PROS1: variants seen among roughly 807,000 people sequenced by gnomAD.
PROS1 encodes the protein vitamin K-dependent protein S.
Under a neutral mutation model 75.9 loss-of-function variants are expected in PROS1, and 29 were observed. The observed-to-expected ratio is 0.38, with a 90% CI of 0.28 to 0.52. The LOEUF is 0.52. Ranked by LOEUF, PROS1 falls within the 20% of genes least tolerant of loss-of-function variation. The pLI, the probability that PROS1 is intolerant of heterozygous loss-of-function variation, is 0.83. For synonymous variants in PROS1, 245 were observed against 280.6 expected (o/e 0.87, Z 1.27); for missense variants, 680 against 810.3 (o/e 0.84, Z 1.95).
chr3:93,931,633 G>T (rs1456019107), intron 1 of PROS1, among the ~76,000 whole-genome samples: 2 of 152,178 alleles, frequency 1.3e-5, no homozygotes, highest in Non-Finnish European at 2.9e-5. Flanking sequence ...CACACTGACT[G>T]CTTGAATCCC....
intron 3 of PROS1, among the ~76,000 whole-genome samples, chr3:93,916,561 C>T (rs1708852138): frequency 6.6e-6 from 1 of 152,148 alleles, no homozygotes; most frequent in Admixed American, 6.6e-5. Flanking sequence ...ATACAGAACC[C>T]TCATATTCCC....
intron 1 of PROS1, among the ~76,000 whole-genome samples, chr3:93,934,936 A>G (rs906336820): frequency 6.4e-5 from 9 of 139,696 alleles, no homozygotes; most frequent in Middle Eastern, 3.7e-3. Context: ...CCTTTCTAGG[A>G]AAAAAAAAAA....
At chr3:93,921,921 G>T (rs1410836717) in intron 3 of PROS1, among the ~76,000 whole-genome samples, 3 of 151,902 alleles carry the variant, frequency 2.0e-5, no homozygotes, top group Non-Finnish European at 4.4e-5. Flanking sequence ...AAAACTTCTT[G>T]TTACTTGGGG....
intron 9 of PROS1, among the ~76,000 whole-genome samples, chr3:93,894,336 A>G (rs943184111): frequency 1.3e-5 from 2 of 152,164 alleles, no homozygotes; most frequent in South Asian, 2.1e-4. Context: ...TGTTGGATGG[A>G]TAACAATGTA....
intron 1 of PROS1, among the ~76,000 whole-genome samples, chr3:93,963,632 A>T (rs1367978121): frequency 6.6e-6 from 1 of 152,210 alleles, no homozygotes; most frequent in Admixed American, 6.5e-5. Flanking sequence ...GGCCTCAGGA[A>T]GCTTCCAATC....
rs1381314381 is a variant in PROS1 at position 93,962,265 on chromosome 3, T to A, written c.76+11409A>T. ...AAGCAGAGATCTCACGAGATTGAGA[T>A]GAATAGACAACCCACCGATTTCTTC... On this transcript the variant is annotated intron_variant, in intron 1 of 14. Coordinates refer to ENST00000394236, the MANE Select transcript of PROS1 (RefSeq NM_000313.4). Among the ~76,000 whole-genome samples the A allele has an allele frequency of 2.0e-5, 3 of 151,394 alleles. No individual in the cohort carries two copies. The East Asian group carries it at 5.9e-4, about 30-fold the overall frequency.
intron 1 of PROS1, among the ~76,000 whole-genome samples, chr3:93,970,513 T>A (rs1037200167): frequency 2.6e-5 from 4 of 151,862 alleles, no homozygotes; most frequent in Non-Finnish European, 5.9e-5. Flanking sequence ...TTTTTTTTTT[T>A]AATTTCTTTT....
rs543843788 is a variant in PROS1 at position 93,933,183 on chromosome 3, T to C, written c.77-5776A>G. ...CAGTGTTGGATGAGGTGAAGGAAAA[T>C]GGCTTTCACTTTACAAATATAGAGA... On this transcript the variant is annotated intron_variant, in intron 1 of 14. Coordinates refer to ENST00000394236, the MANE Select transcript of PROS1 (RefSeq NM_000313.4). 2.3e-4 allele frequency among the ~76,000 whole-genome samples: 35 copies of C among 152,308 alleles called. 1 individual carries two copies. Among genetic ancestry groups the C allele is most frequent in the African/African-American group, 8.4e-4 (35 of 41,572 alleles).
chr3:93,920,799 TCTCC>T (rs959191202), intron 3 of PROS1, among the ~76,000 whole-genome samples: 8 of 151,930 alleles, frequency 5.3e-5, no homozygotes, highest in Non-Finnish European at 1.0e-4. Context: ...TCTTTCCATC[TCTCC>T]CTCCCTCCCT....
At chr3:93,951,450 T>C (rs917788500) in intron 1 of PROS1, among the ~76,000 whole-genome samples, 4 of 152,154 alleles carry the variant, frequency 2.6e-5, no homozygotes, top group African/African-American at 9.7e-5. Flanking sequence ...TCAACATTCT[T>C]AAAGAAAAGA....
At chr3:93,956,187 G>C (rs1709595443) in intron 1 of PROS1, among the ~76,000 whole-genome samples, 1 of 151,786 alleles carries the variant, frequency 6.6e-6, no homozygotes, top group South Asian at 2.1e-4. Flanking sequence ...ATCTTTTATT[G>C]GTATCTTTCA....
chr3:93,912,607 C>T (rs1010500325), intron 3 of PROS1, among the ~76,000 whole-genome samples: 1 of 152,048 alleles, frequency 6.6e-6, no homozygotes, highest in African/African-American at 2.4e-5. Flanking sequence ...AACAAAATAC[C>T]ACAGACGGGC....
At chr3:93,956,077 A>C (rs1373809857) in intron 1 of PROS1, among the ~76,000 whole-genome samples, 1 of 152,182 alleles carries the variant, frequency 6.6e-6, no homozygotes, top group Non-Finnish European at 1.5e-5. Context: ...GATAGTAAAT[A>C]AATGGTCTCA....
chr3:93,939,765 C>A (rs1289409252), intron 1 of PROS1, among the ~76,000 whole-genome samples: 2 of 151,918 alleles, frequency 1.3e-5, no homozygotes, highest in Non-Finnish European at 2.9e-5. Context: ...CACCCTAGAC[C>A]CTAAAAGGTC....
intron 10 of PROS1, among the ~76,000 whole-genome samples, chr3:93,888,425 C>T (rs1708382788): frequency 6.6e-6 from 1 of 151,928 alleles, no homozygotes; most frequent in African/African-American, 2.4e-5. Context: ...TTTATTTATC[C>T]ATATTAATAT....
rs773643898 is a variant in PROS1, at chr3:93,884,912, A to G, written c.1324-16T>C. ...GAGGGTTAATCTAACAAATTAAAAT[A>G]CAAGTCAAGGAGTGCATTTTAAACT... On this transcript the variant is annotated splice_polypyrimidine_tract_variant and intron_variant, in intron 11 of 14. Coordinates refer to ENST00000394236, the MANE Select transcript of PROS1 (RefSeq NM_000313.4). The G allele has an allele frequency of 1.9e-6, 3 of 1,607,998 alleles. No homozygotes were observed. Among genetic ancestry groups the G allele is most frequent in the Non-Finnish European group, 2.6e-6 (3 of 1,175,936 alleles).
At chr3:93,921,282 A>G (rs1708940342) in intron 3 of PROS1, among the ~76,000 whole-genome samples, 1 of 152,208 alleles carries the variant, frequency 6.6e-6, no homozygotes, top group South Asian at 2.1e-4. Flanking sequence ...ATATCATTTT[A>G]TTTAGAATTA....
In PROS1 at chr3:93,905,733, G is replaced by A. The variant is rs747529708; in HGVS notation, c.601+51C>T. ...TTTGCTAGTAAAATTTCTCTAACTGGGATTATTCTCACATAGTAAATGTGT... is the reference window on the plus strand; with the variant it reads ...TTTGCTAGTAAAATTTCTCTAACTGAGATTATTCTCACATAGTAAATGTGT... On this transcript the variant is annotated intron_variant, in intron 6 of 14. Coordinates refer to ENST00000394236, the MANE Select transcript of PROS1 (RefSeq NM_000313.4). The A allele has an allele frequency of 8.0e-5, 127 of 1,584,952 alleles. 2 individuals carry two copies. In the South Asian group the frequency reaches 1.4e-3, roughly 17 times the overall value.
intron 1 of PROS1, among the ~76,000 whole-genome samples, chr3:93,943,997 C>A (rs1378626457): frequency 6.6e-6 from 1 of 152,250 alleles, no homozygotes; most frequent in Non-Finnish European, 1.5e-5. Flanking sequence ...AGCCTGCCTG[C>A]ACCTAGGTGA....
Sources: allele counts gnomAD v4.1 joint callset (sites outside exome capture counted in the v4.1 genomes callset), GRCh38; gene constraint gnomAD v4.1.1; transcripts MANE v1.5; gene names NCBI Gene and HGNC (gene_info 2026-07-23, HGNC 2026-07-21).